Variants in SPIDR observed in about 807,000 individuals in gnomAD.
The protein encoded by SPIDR is DNA repair-scaffolding protein.
A neutral mutation model predicts 104.6 loss-of-function variants in SPIDR; 93 were observed. The ratio of observed to expected loss-of-function variants is 0.89; its 90% CI spans 0.75 to 1.06. The LOEUF (loss-of-function observed/expected upper bound fraction) is 1.06. Among genes scored for constraint, SPIDR ranks in the 50% least tolerant of loss-of-function variants. The pLI, the probability that SPIDR is intolerant of heterozygous loss-of-function variation, is 0.00. For synonymous variants in SPIDR, 431 were observed against 416.9 expected (o/e 1.03, Z -0.41); for missense variants, 1,154 against 1,111.2 (o/e 1.04, Z -0.55).
chr8:47,694,042 G>A (rs948742899), intron 11 of SPIDR, among the ~76,000 whole-genome samples: 3 of 152,194 alleles, frequency 2.0e-5, no homozygotes, highest in African/African-American at 7.2e-5. Context: ...CAACACTGCA[G>A]GTTGGCCTGC....
intron 8 of SPIDR, among the ~76,000 whole-genome samples, chr8:47,502,086 A>G (rs552973265): frequency 6.6e-6 from 1 of 152,278 alleles, no homozygotes; most frequent in South Asian, 2.1e-4. Flanking sequence ...CATCAAGGAT[A>G]TTGGTCTAAA....
chr8:47,388,187 A>G lies in SPIDR; in HGVS notation c.526-8189A>G, dbSNP rs147571695. 3.6e-3 allele frequency among the ~76,000 whole-genome samples: 554 copies of G among 152,266 alleles called. 8 individuals carry two copies. The highest frequency in any genetic ancestry group is 0.013 in the African/African-American group (525 of 41,552). On this transcript the variant is annotated intron_variant, in intron 5 of 19. Coordinates refer to ENST00000297423, the MANE Select transcript of SPIDR (RefSeq NM_001080394.4). The stretch of plus-strand genomic sequence containing the variant: ...GAAATAAGGGCTCCATTTTTTGTCC[A>G]TTTGGAGCACTAGTGTGAGCCATAC...
chr8:47,290,551 A>G (rs1477906858), intron 3 of SPIDR, among the ~76,000 whole-genome samples: 1 of 152,212 alleles, frequency 6.6e-6, no homozygotes, highest in Non-Finnish European at 1.5e-5. Context: ...TTATCTCAAA[A>G]TAAAAAGTTT....
At chr8:47,263,177 G>T (rs1167564241) in intron 1 of SPIDR, among the ~76,000 whole-genome samples, 7 of 152,228 alleles carry the variant, frequency 4.6e-5, no homozygotes, top group African/African-American at 1.7e-4. Context: ...TTGTATCCAG[G>T]TAGTCTGCCC....
At chr8:47,605,400 G>A (rs1449163401) in intron 10 of SPIDR, among the ~76,000 whole-genome samples, 1 of 152,180 alleles carries the variant, frequency 6.6e-6, no homozygotes, top group African/African-American at 2.4e-5. Context: ...GAGTGGGTGG[G>A]ATGCCAGAGG....
At position 47,494,744 on chromosome 8, in the gene SPIDR, A is replaced by C. The variant is rs150086450; in HGVS notation, c.1097+54202A>C. On this transcript the variant is annotated intron_variant, in intron 8 of 19. Transcript: ENST00000297423. Reference sequence around the variant, plus strand: ...CTATGGCTATTAGGATGTGAGATTGAGACCTTCCTCCTCCCCTCTTGAAAG... The same window carrying C: ...CTATGGCTATTAGGATGTGAGATTGCGACCTTCCTCCTCCCCTCTTGAAAG... Among the ~76,000 whole-genome samples the C allele has an allele frequency of 1.2e-3, 188 of 152,302 alleles. 3 individuals carry two copies. In the East Asian group the frequency reaches 0.022, roughly 18 times the overall value.
At chr8:47,660,938 G>A in intron 10 of SPIDR, 1 of 985,400 alleles carries the variant, frequency 1.0e-6, no homozygotes, top group South Asian at 4.7e-5. Context: ...CCAAGATTTT[G>A]AGCACAGAAG....
At chr8:47,287,838 G>A (rs1300138793) in intron 3 of SPIDR, among the ~76,000 whole-genome samples, 1 of 152,138 alleles carries the variant, frequency 6.6e-6, no homozygotes, top group African/African-American at 2.4e-5. Flanking sequence ...TGGTCCTGAG[G>A]TGATGTACAT....
chr8:47,295,431 C>G (rs1346858605), intron 5 of SPIDR, among the ~76,000 whole-genome samples: 1 of 152,058 alleles, frequency 6.6e-6, no homozygotes, highest in Admixed American at 6.6e-5. Flanking sequence ...AATTTTGTAT[C>G]CTTTAGTCAG....
At chr8:47,289,962 A>G (rs1257230248) in intron 3 of SPIDR, among the ~76,000 whole-genome samples, 2 of 152,232 alleles carry the variant, frequency 1.3e-5, no homozygotes, top group Non-Finnish European at 2.9e-5. Context: ...CACAACTTAG[A>G]TGAATATCTA....
chr8:47,499,529 G>GAT (rs2080013438), intron 8 of SPIDR, among the ~76,000 whole-genome samples: 2 of 151,398 alleles, frequency 1.3e-5, no homozygotes, highest in South Asian at 4.2e-4. Flanking sequence ...ACCATCAAAT[G>GAT]ATACGGCAGC....
At chr8:47,564,872 G>T (rs2057577613) in intron 8 of SPIDR, among the ~76,000 whole-genome samples, 1 of 152,042 alleles carries the variant, frequency 6.6e-6, no homozygotes, top group Non-Finnish European at 1.5e-5. Flanking sequence ...TTATTATTTT[G>T]CAGTTCCTTA....
chr8:47,386,924 T>G (rs1305245628), intron 5 of SPIDR, among the ~76,000 whole-genome samples: 1 of 139,390 alleles, frequency 7.2e-6, no homozygotes, highest in East Asian at 2.0e-4. Flanking sequence ...TAGATATAGA[T>G]ATAGATATAG....
chr8:47,707,659 C>G (rs2081279329), intron 14 of SPIDR, among the ~76,000 whole-genome samples: 1 of 152,094 alleles, frequency 6.6e-6, no homozygotes, highest in African/African-American at 2.4e-5. Flanking sequence ...TAAGAGAAGT[C>G]AAGTCTCTTT....
chr8:47,516,652 T>C (rs574357986), intron 8 of SPIDR, among the ~76,000 whole-genome samples: 81 of 152,182 alleles, frequency 5.3e-4, no homozygotes, highest in African/African-American at 1.9e-3. Flanking sequence ...ATATGCCACA[T>C]TTTTTTTATC....
At chr8:47,578,914 T>C (rs1223818166) in intron 8 of SPIDR, among the ~76,000 whole-genome samples, 1 of 152,176 alleles carries the variant, frequency 6.6e-6, no homozygotes, top group East Asian at 1.9e-4. Context: ...GGTAGGAAGG[T>C]AGAGAAACAC....
At chr8:47,594,494 C>CAT (rs2061429021) in intron 8 of SPIDR, among the ~76,000 whole-genome samples, 1 of 152,142 alleles carries the variant, frequency 6.6e-6, no homozygotes, top group African/African-American at 2.4e-5. Context: ...CCTGTGCTAG[C>CAT]ATGCATAGGG....
intron 10 of SPIDR, among the ~76,000 whole-genome samples, chr8:47,622,470 C>G (rs896995157): frequency 1.3e-5 from 2 of 152,138 alleles, no homozygotes; most frequent in African/African-American, 4.8e-5. Flanking sequence ...GGCCTATACT[C>G]AGGCACTGCT....
intron 11 of SPIDR, among the ~76,000 whole-genome samples, chr8:47,680,132 A>G (rs2076919481): frequency 6.6e-6 from 1 of 152,250 alleles, no homozygotes; most frequent in South Asian, 2.1e-4. Flanking sequence ...CACTAATTTA[A>G]GGGAAAGTGA....
Sources: allele counts gnomAD v4.1 joint callset (sites outside exome capture counted in the v4.1 genomes callset), GRCh38; gene constraint gnomAD v4.1.1; transcripts MANE v1.5; gene names NCBI Gene and HGNC (gene_info 2026-07-23, HGNC 2026-07-21).